The following NME7 variants were observed in gnomAD, a reference collection of about 807,000 sequenced individuals.
The protein encoded by NME7 is nucleoside diphosphate kinase 7.
Under a neutral mutation model 49.1 loss-of-function variants are expected in NME7, and 41 were observed. The observed-to-expected ratio is 0.83, with a 90% CI of 0.65 to 1.08. The LOEUF (loss-of-function observed/expected upper bound fraction) is 1.08. Among genes scored for constraint, NME7 ranks in the 50% least tolerant of loss-of-function variants. The pLI is 0.00. For synonymous variants in NME7, 139 were observed against 150.6 expected, an observed-to-expected ratio of 0.92 and a Z score of 0.56; for missense variants, 423 against 463.4, an observed-to-expected ratio of 0.91 and a Z score of 0.80.
At chr1:169,157,839 G>C (rs139321967) in intron 11 of NME7, among the ~76,000 whole-genome samples, 1 of 152,190 alleles carries the variant, frequency 6.6e-6, no homozygotes, top group East Asian at 1.9e-4. Flanking sequence ...AGCCGACTTC[G>C]AAGAAGTCTG....
At chr1:169,211,346 T>C (rs1170521958) in intron 10 of NME7, among the ~76,000 whole-genome samples, 1 of 152,152 alleles carries the variant, frequency 6.6e-6, no homozygotes, top group Non-Finnish European at 1.5e-5. Context: ...GCTGAGATAG[T>C]ATAAAGTTCT....
At position 169,140,726 on chromosome 1, in the gene NME7, T is replaced by TA. The variant is rs57572886; in HGVS notation, c.1099-7910dup. Among the ~76,000 whole-genome samples the TA allele has an allele frequency of 7.5e-4, 108 of 143,232 alleles. 1 individual carries two copies. The highest frequency in any genetic ancestry group is 7.9e-4 in the African/African-American group (31 of 39,214). 94.0% of individuals were successfully genotyped at this position (143,232 alleles called of 152,430 possible). A position where few individuals can be genotyped will look rare whatever the true frequency, so the allele number is the denominator to read the frequency against. ...ATTTTGACAGGGAACAGTCTATCCT[T>TA]AAAAAAAAAAAAAAAAGATTTCAAA... On this transcript the variant is annotated intron_variant, in intron 11 of 11. Coordinates refer to ENST00000367811, the MANE Select transcript of NME7 (RefSeq NM_013330.5).
chr1:169,355,152 ATATATTATAGATATAATATATAATATACT>A, intron 1 of NME7, among the ~76,000 whole-genome samples: 1 of 37,430 alleles, frequency 2.7e-5, no homozygotes, highest in African/African-American at 1.0e-4. Flanking sequence ...ATAATATACT[ATATATTATAGATATAATATATAATATACT>A]ATATATTATA....
At position 169,265,501 on chromosome 1, in the gene NME7, T is replaced by A. The variant is rs568673703; in HGVS notation, c.754+21802A>T. Among the ~76,000 whole-genome samples the A allele has an allele frequency of 1.5e-5, 2 of 133,242 alleles. 1 individual carries two copies. Among genetic ancestry groups the A allele is most frequent in the African/African-American group, 5.1e-5 (2 of 39,332 alleles). The allele number at this position is 133,242 out of a possible 152,430, so 87.4% of individuals were successfully genotyped here. Reference sequence around the variant, plus strand: ...TAAGGCAGTGTTAAGAGGGAAATTATAGCACTAAACACCCACATCAAAAAG... The same window carrying A: ...TAAGGCAGTGTTAAGAGGGAAATTAAAGCACTAAACACCCACATCAAAAAG... On this transcript the variant is annotated intron_variant, in intron 7 of 11. Transcript: ENST00000367811.
intron 11 of NME7, among the ~76,000 whole-genome samples, chr1:169,138,453 T>C (rs1202119868): frequency 6.6e-6 from 1 of 152,184 alleles, no homozygotes; most frequent in East Asian, 1.9e-4. Context: ...CTCACACCTG[T>C]AATCCCAGCA....
At chr1:169,228,202 C>T (rs999479438) in intron 10 of NME7, among the ~76,000 whole-genome samples, 2 of 152,042 alleles carry the variant, frequency 1.3e-5, no homozygotes, top group Non-Finnish European at 2.9e-5. Flanking sequence ...TGCTACCATG[C>T]CCAGCCTGGG....
chr1:169,214,583 AAG>A (rs1208686579), intron 10 of NME7, among the ~76,000 whole-genome samples: 1 of 152,240 alleles, frequency 6.6e-6, no homozygotes, highest in Non-Finnish European at 1.5e-5. Context: ...AAAGAGAGGA[AAG>A]AGAAAAGAAA....
intron 7 of NME7, among the ~76,000 whole-genome samples, chr1:169,265,443 A>C (rs1422705554): frequency 7.5e-6 from 1 of 133,932 alleles, no homozygotes; most frequent in Non-Finnish European, 1.8e-5. Flanking sequence ...ATGAGAACAA[A>C]GACACAACAA....
rs766451188 is a variant in NME7, at chr1:169,303,138, G to C, written c.440+7C>G. On this transcript the variant is annotated splice_region_variant and intron_variant, in intron 5 of 11. Coordinates refer to ENST00000367811, the MANE Select transcript of NME7 (RefSeq NM_013330.5). ...ACATACCACTAATCCCCAAATTAAG[G>C]ACCTACTTGAAAAAGGGTCTTGACT... The C allele has an allele frequency of 7.1e-6, 11 of 1,556,532 alleles. No homozygotes were observed. Among genetic ancestry groups the C allele is most frequent in the Middle Eastern group, 3.4e-4 (2 of 5,938 alleles).
intron 7 of NME7, among the ~76,000 whole-genome samples, chr1:169,249,134 T>G (rs755839975): frequency 6.6e-6 from 1 of 152,134 alleles, no homozygotes; most frequent in Non-Finnish European, 1.5e-5. Context: ...TGTGTTTCCA[T>G]TTGTTTGTGT....
intron 3 of NME7, among the ~76,000 whole-genome samples, chr1:169,310,311 G>GA (rs1464510519): frequency 2.0e-5 from 3 of 151,670 alleles, no homozygotes; most frequent in Non-Finnish European, 4.4e-5. Context: ...AGAAGCTTAG[G>GA]AAAAAAAGCA....
chr1:169,316,006 A>G (rs1292900714), intron 3 of NME7, among the ~76,000 whole-genome samples: 2 of 152,042 alleles, frequency 1.3e-5, no homozygotes, highest in Non-Finnish European at 2.9e-5. Context: ...CAATAGTATC[A>G]TTAAAGAAAG....
At chr1:169,296,773 C>T (rs968531511) in intron 6 of NME7, among the ~76,000 whole-genome samples, 1 of 152,086 alleles carries the variant, frequency 6.6e-6, no homozygotes, top group South Asian at 2.1e-4. Context: ...TGGAGTAATA[C>T]TTGGTATCTT....
chr1:169,257,670 G>A (rs1260938145), intron 7 of NME7, among the ~76,000 whole-genome samples: 1 of 133,738 alleles, frequency 7.5e-6, no homozygotes, highest in East Asian at 2.0e-4. Context: ...GTTCATAATT[G>A]CCTTTTTCTT....
At chr1:169,251,214 A>T (rs1295831978) in intron 7 of NME7, among the ~76,000 whole-genome samples, 1 of 152,072 alleles carries the variant, frequency 6.6e-6, no homozygotes, top group Non-Finnish European at 1.5e-5. Context: ...TGATCCTTTT[A>T]TCATCATATA....
chr1:169,176,123 T>C (rs1659742357), intron 10 of NME7, among the ~76,000 whole-genome samples: 1 of 152,154 alleles, frequency 6.6e-6, no homozygotes, highest in South Asian at 2.1e-4. Flanking sequence ...AATACAGTTA[T>C]GCAGTTTTAT....
chr1:169,286,034 T>A (rs943739380), intron 7 of NME7: 1 of 152,092 alleles, frequency 6.6e-6, no homozygotes, highest in African/African-American at 2.4e-5. Context: ...CCATACTACA[T>A]CTATACAATT....
intron 11 of NME7, among the ~76,000 whole-genome samples, chr1:169,135,075 A>G (rs1453308625): frequency 6.7e-6 from 1 of 149,068 alleles, no homozygotes; most frequent in Non-Finnish European, 1.5e-5. Context: ...CTGTGATCTC[A>G]GCTACTTGGA....
intron 11 of NME7, among the ~76,000 whole-genome samples, chr1:169,163,974 G>A (rs899653447): frequency 2.0e-5 from 3 of 152,010 alleles, no homozygotes; most frequent in Admixed American, 1.3e-4. Flanking sequence ...GCTGGGCGTG[G>A]TGGCATGCAC....
Sources: allele counts gnomAD v4.1 joint callset (sites outside exome capture counted in the v4.1 genomes callset), GRCh38; gene constraint gnomAD v4.1.1; transcripts MANE v1.5; gene names NCBI Gene and HGNC (gene_info 2026-07-23, HGNC 2026-07-21).